GRAMD2B: variants seen among roughly 807,000 people sequenced by gnomAD.
GRAMD2B encodes GRAM domain-containing protein 2B.
A neutral mutation model predicts 59.2 loss-of-function variants in GRAMD2B; 41 were observed. The ratio of observed to expected loss-of-function variants is 0.69; its 90% CI spans 0.54 to 0.90. The LOEUF (loss-of-function observed/expected upper bound fraction) is 0.90, where lower values mean the gene tolerates loss of function less well. GRAMD2B is among the 40% of genes least tolerant of loss of function. The probability of loss-of-function intolerance (pLI) is 0.00; values close to 1 mark genes in which losing one functional copy is unlikely to be tolerated. For missense variants in GRAMD2B, 424 were observed against 500.5 expected, an observed-to-expected ratio of 0.85 and a Z score of 1.46; for synonymous variants, 161 against 182.7, an observed-to-expected ratio of 0.88 and a Z score of 0.96.
intron 13 of GRAMD2B, 37 bp from the exon 14 acceptor site, chr5:126,492,878 T>A (rs752458288): frequency 7.5e-7 from 1 of 1,342,066 alleles, no homozygotes; most frequent in Non-Finnish European, 1.1e-6. Context: ...TACTCCATTC[T>A]ATTTAATAAT....
At chr5:126,399,043 T>A (rs1025788245) in intron 1 of GRAMD2B, among the ~76,000 whole-genome samples, 1 of 152,212 alleles carries the variant, frequency 6.6e-6, no homozygotes, top group Admixed American at 6.5e-5. Flanking sequence ...ATATTCCATG[T>A]GCACTTGTGA....
chr5:126,439,446 T>G (rs1216205854), intron 1 of GRAMD2B, among the ~76,000 whole-genome samples: 4 of 150,412 alleles, frequency 2.7e-5, no homozygotes, highest in Non-Finnish European at 5.9e-5. Flanking sequence ...CGTGCATCAG[T>G]CACCCAAGTA....
At position 126,493,039 on chromosome 5, in the gene GRAMD2B, C is replaced by T. The variant is rs1235269044; in HGVS notation, c.*83C>T. 1.7e-5 allele frequency: 17 copies of T among 1,023,892 alleles called. No homozygotes were observed. In the South Asian group the frequency reaches 2.1e-4, roughly 13 times the overall value. The allele number at this position is 1,023,892 out of a possible 1,614,324, so 63.4% of individuals were successfully genotyped here. ...TCCTGAGGCGTTTTGTTTGAGTGCA[C>T]CCTGCTGGTCAGAGGTGCAAGCAGA... On this transcript the variant is annotated 3_prime_UTR_variant, in exon 14 of 14. Coordinates refer to ENST00000285689, the MANE Select transcript of GRAMD2B (RefSeq NM_023927.4).
Position 126,480,640 on chromosome 5 carries a change from G to T in GRAMD2B, c.668G>T (p.Gly223Val), listed in dbSNP as rs1771536296. ...VCGHLENTSV[G>V]NSPNPSSAEN... The stretch of plus-strand genomic sequence containing the variant: ...CAATAATTTCAGAATACAAGTGTTG[G>T]TAACAGTCCCAATCCATCTTCTGCT... Residue 223 changes from glycine to valine, a missense_variant, in exon 8 of 14, where the codon GGT becomes GTT. By Grantham distance (109) the Gly-to-Val change is moderately radical. Transcript: ENST00000285689. 1 of 1,614,004 alleles carries T rather than the reference G, an allele frequency of 6.2e-7. No homozygotes were observed. The highest frequency in any genetic ancestry group is 8.5e-7 in the Non-Finnish European group (1 of 1,179,910).
intron 1 of GRAMD2B, among the ~76,000 whole-genome samples, chr5:126,407,536 G>C (rs1561486373): frequency 2.0e-5 from 3 of 151,960 alleles, no homozygotes; most frequent in Admixed American, 1.3e-4. Flanking sequence ...ATAGACAAGA[G>C]AGATTATGGC....
At chr5:126,468,859 T>C (rs1198711962) in intron 2 of GRAMD2B, among the ~76,000 whole-genome samples, 1 of 151,858 alleles carries the variant, frequency 6.6e-6, no homozygotes, top group Non-Finnish European at 1.5e-5. Flanking sequence ...ATAATATGTA[T>C]TTTTTTTGGT....
Position 126,492,210 on chromosome 5 carries a change from GTTAAACATTATTATGTGGGA to G in GRAMD2B, c.1258-702_1258-683del, listed in dbSNP as rs540658860. ...AATATCTAATTGGAGTAACAGGAGT[GTTAAACATTATTATGTGGGA>G]TTTTTCTGATTAAAACCATCAAATG... On this transcript the variant is annotated intron_variant, in intron 13 of 13. Transcript: ENST00000285689. Among the ~76,000 whole-genome samples the G allele has an allele frequency of 4.3e-3, 654 of 152,258 alleles. 5 individuals are homozygous for G. The highest frequency in any genetic ancestry group is 0.014 in the African/African-American group (575 of 41,536).
chr5:126,437,334 C>A (rs1762574325), intron 1 of GRAMD2B, among the ~76,000 whole-genome samples: 1 of 152,118 alleles, frequency 6.6e-6, no homozygotes, highest in South Asian at 2.1e-4. Context: ...AGCGAGAAAG[C>A]CAGAATGACT....
At chr5:126,369,449 TA>T (rs1754629626), upstream of GRAMD2B, among the ~76,000 whole-genome samples, 2 of 152,214 alleles carry the variant, frequency 1.3e-5, no homozygotes, top group Non-Finnish European at 2.9e-5. Context: ...GTAGAGATGC[TA>T]TATTGACTCA....
chr5:126,435,369 G>A (rs1762240534), intron 1 of GRAMD2B, among the ~76,000 whole-genome samples: 1 of 152,168 alleles, frequency 6.6e-6, no homozygotes, highest in Admixed American at 6.5e-5. Context: ...ATTTCAGGCA[G>A]AGGGAAGAAC....
At chr5:126,485,273 C>A (rs1474437399) in intron 10 of GRAMD2B, among the ~76,000 whole-genome samples, 1 of 152,024 alleles carries the variant, frequency 6.6e-6, no homozygotes, top group East Asian at 1.9e-4. Flanking sequence ...ATTGCTTGAG[C>A]CCAGGAGGTC....
chr5:126,434,664 C>T (rs1327604325), intron 1 of GRAMD2B, among the ~76,000 whole-genome samples: 2 of 152,016 alleles, frequency 1.3e-5, no homozygotes, highest in Non-Finnish European at 2.9e-5. Flanking sequence ...ACTACAGGTG[C>T]CCGCCACCAC....
chr5:126,366,507 T>A (rs1754442625), upstream of GRAMD2B, among the ~76,000 whole-genome samples: 1 of 152,264 alleles, frequency 6.6e-6, no homozygotes, highest in Admixed American at 6.5e-5. Context: ...ATTTTCTGAA[T>A]GCTTACTATG....
chr5:126,375,969 G>A lies in GRAMD2B; in HGVS notation c.125+4402G>A, dbSNP rs1021388506. ...AAATTCAAAATTTGCAGAAATCATC[G>A]TTTCTCAAAATATACAGAACATTAA... On this transcript the variant is annotated intron_variant, in intron 1 of 8. Transcript: ENST00000506445. 1.2e-4 allele frequency among the ~76,000 whole-genome samples: 18 copies of A among 152,154 alleles called. No individual in the cohort carries two copies. The South Asian group carries it at 2.9e-3, about 25-fold the overall frequency.
At chr5:126,413,196 G>A (rs1213517744) in intron 1 of GRAMD2B, among the ~76,000 whole-genome samples, 1 of 152,004 alleles carries the variant, frequency 6.6e-6, no homozygotes, top group African/African-American at 2.4e-5. Flanking sequence ...GGTGATGTTA[G>A]ATCATGAATT....
At position 126,483,453 on chromosome 5, in the gene GRAMD2B, T is replaced by G; in HGVS notation, c.736-10T>G. 1 of 1,557,874 alleles carries G rather than the reference T, an allele frequency of 6.4e-7. No individual in the cohort carries two copies. Among genetic ancestry groups the G allele is most frequent in the Non-Finnish European group, 8.9e-7 (1 of 1,129,406 alleles). On this transcript the variant is annotated splice_polypyrimidine_tract_variant and intron_variant, in intron 8 of 13. Transcript: ENST00000285689. Reference sequence around the variant, plus strand: ...TATCAGCCTGTCTTCATTTCACTGTTTCCTTTCAGGATTTCAATGATGAAT... The same window carrying G: ...TATCAGCCTGTCTTCATTTCACTGTGTCCTTTCAGGATTTCAATGATGAAT...
intron 6 of GRAMD2B, 62 bp downstream of exon 6, chr5:126,477,849 T>A: frequency 1.0e-6 from 1 of 961,426 alleles, no homozygotes; most frequent in Non-Finnish European, 1.7e-6. Flanking sequence ...CTCTGCTGCC[T>A]AAGGGGTCTC....
At chr5:126,428,758 A>G (rs1761031768) in intron 1 of GRAMD2B, among the ~76,000 whole-genome samples, 2 of 152,232 alleles carry the variant, frequency 1.3e-5, no homozygotes, top group African/African-American at 4.8e-5. Flanking sequence ...AAAAGAAGAC[A>G]TATATACAGC....
chr5:126,403,236 T>C (rs928286930), intron 1 of GRAMD2B, among the ~76,000 whole-genome samples: 1 of 152,014 alleles, frequency 6.6e-6, no homozygotes, highest in Non-Finnish European at 1.5e-5. Flanking sequence ...AAAAAATGAT[T>C]TGATTCCCAA....
Sources: gnomAD v4.1 joint callset for allele counts (sites outside exome capture counted in the v4.1 genomes callset) on GRCh38, gnomAD v4.1.1 for gene constraint, MANE v1.5 for transcripts, NCBI Gene and HGNC (gene_info 2026-07-23, HGNC 2026-07-21) for gene names.